The following VWC2 variants were observed in gnomAD, a reference collection of about 807,000 sequenced individuals.
VWC2 encodes the protein von Willebrand factor C domain containing 2.
A neutral mutation model predicts 29.8 loss-of-function variants in VWC2; 14 were observed. The ratio of observed to expected loss-of-function variants is 0.47; its 90% CI spans 0.31 to 0.74. The LOEUF is 0.74. VWC2 is among the 30% of genes least tolerant of loss of function. The probability of loss-of-function intolerance (pLI) is 0.05; values close to 1 mark genes in which losing one functional copy is unlikely to be tolerated. For synonymous variants in VWC2, 213 were observed against 199.0 expected (o/e 1.07, Z -0.59); for missense variants, 457 against 459.8 (o/e 0.99, Z 0.05).
At chr7:49,790,024 C>G (rs1788429727) in intron 2 of VWC2, among the ~76,000 whole-genome samples, 1 of 152,228 alleles carries the variant, frequency 6.6e-6, no homozygotes, top group African/African-American at 2.4e-5. Flanking sequence ...AGATTCCAGA[C>G]TGCCCATCAG....
intron 3 of VWC2, among the ~76,000 whole-genome samples, chr7:49,811,483 G>GT (rs1789004471): frequency 6.6e-6 from 1 of 152,176 alleles, no homozygotes; most frequent in Non-Finnish European, 1.5e-5. Context: ...GGACATGTTT[G>GT]TTTCCTCTTC....
chr7:49,831,634 T>C (rs1219273031), intron 3 of VWC2, among the ~76,000 whole-genome samples: 2 of 152,202 alleles, frequency 1.3e-5, no homozygotes, highest in African/African-American at 4.8e-5. Flanking sequence ...AATTTCCAGG[T>C]ACTGGAGGTG....
At chr7:49,869,474 T>C (rs1051703615) in intron 3 of VWC2, among the ~76,000 whole-genome samples, 1 of 152,242 alleles carries the variant, frequency 6.6e-6, no homozygotes, top group Admixed American at 6.5e-5. Flanking sequence ...GAAAAAATTA[T>C]CTTGTATATT....
intron 3 of VWC2, among the ~76,000 whole-genome samples, chr7:49,826,998 A>T (rs142135844): frequency 0.012 from 1,797 of 152,220 alleles, 54 homozygotes; most frequent in South Asian, 0.12. Flanking sequence ...AAAATAGTTT[A>T]TTCATAATTG....
intron 3 of VWC2, among the ~76,000 whole-genome samples, chr7:49,818,261 A>T (rs1203215579): frequency 6.6e-6 from 1 of 152,174 alleles, no homozygotes; most frequent in African/African-American, 2.4e-5. Context: ...CCCAAATTGG[A>T]CTAGATTATT....
At chr7:49,829,990 T>A (rs1023376705) in intron 3 of VWC2, among the ~76,000 whole-genome samples, 1 of 152,268 alleles carries the variant, frequency 6.6e-6, no homozygotes, top group African/African-American at 2.4e-5. Flanking sequence ...TCTCTATTGC[T>A]GCTTAGGAAG....
intron 3 of VWC2, among the ~76,000 whole-genome samples, chr7:49,857,047 A>C (rs1007054144): frequency 4.1e-5 from 6 of 147,652 alleles, no homozygotes; most frequent in African/African-American, 1.5e-4. Context: ...AAAAAGACGT[A>C]ACATGATATC....
intron 3 of VWC2, among the ~76,000 whole-genome samples, chr7:49,823,817 G>A (rs1242625667): frequency 1.3e-5 from 2 of 152,196 alleles, no homozygotes; most frequent in African/African-American, 2.4e-5. Context: ...AAGAGGTCTA[G>A]TGCACCTTAA....
chr7:49,877,570 T>C (rs1273591686), intron 3 of VWC2, among the ~76,000 whole-genome samples: 1 of 138,234 alleles, frequency 7.2e-6, no homozygotes, highest in Non-Finnish European at 1.6e-5. Flanking sequence ...CTTTTTTTTA[T>C]GATTGTTTCC....
At position 49,787,643 on chromosome 7, in the gene VWC2, G is replaced by A. The variant is rs536571912; in HGVS notation, c.696+11512G>A. Among the ~76,000 whole-genome samples, 33 of 152,290 alleles carry A rather than the reference G, an allele frequency of 2.2e-4. No homozygotes were observed. The South Asian group carries it at 3.5e-3, about 16-fold the overall frequency. ...GCCCCGAGCGCCTCTACCTCCACTC[G>A]CTGTGCTTTTGCTGCGTCACACACA... On this transcript the variant is annotated intron_variant, in intron 2 of 3. Coordinates refer to ENST00000340652, the MANE Select transcript of VWC2 (RefSeq NM_198570.5).
chr7:49,864,445 G>T (rs1177103559), intron 3 of VWC2, among the ~76,000 whole-genome samples: 1 of 152,142 alleles, frequency 6.6e-6, no homozygotes, highest in Non-Finnish European at 1.5e-5. Flanking sequence ...AGTGCATGGT[G>T]TTCTAGATTC....
chr7:49,856,449 T>C (rs1790420394), intron 3 of VWC2, among the ~76,000 whole-genome samples: 1 of 152,238 alleles, frequency 6.6e-6, no homozygotes, highest in African/African-American at 2.4e-5. Flanking sequence ...CCCATGCTTC[T>C]TGTACAGGCT....
At chr7:49,804,250 C>A (rs2128706248) in intron 3 of VWC2, among the ~76,000 whole-genome samples, 1 of 150,984 alleles carries the variant, frequency 6.6e-6, no homozygotes, top group African/African-American at 2.4e-5. Flanking sequence ...GTGTTAATTA[C>A]CACTAATTAA....
At chr7:49,876,070 G>A (rs1413865908) in intron 3 of VWC2, among the ~76,000 whole-genome samples, 2 of 152,122 alleles carry the variant, frequency 1.3e-5, no homozygotes, top group African/African-American at 4.8e-5. Flanking sequence ...ATTGTTCAGA[G>A]TTTGTGGTTT....
chr7:49,828,361 A>G (rs531617127), intron 3 of VWC2, among the ~76,000 whole-genome samples: 4 of 152,198 alleles, frequency 2.6e-5, no homozygotes, highest in South Asian at 4.1e-4. Flanking sequence ...ATACACTTCT[A>G]TGGCTTACAA....
chr7:49,862,586 G>A (rs1412430909), intron 3 of VWC2, among the ~76,000 whole-genome samples: 1 of 151,830 alleles, frequency 6.6e-6, no homozygotes, highest in Admixed American at 6.6e-5. Context: ...TGAGTAAAAT[G>A]TTAGCTGTAG....
chr7:49,777,804 C>T (rs1046406709), intron 2 of VWC2, among the ~76,000 whole-genome samples: 1 of 152,076 alleles, frequency 6.6e-6, no homozygotes, highest in Admixed American at 6.5e-5. Context: ...GGTAAAGGAA[C>T]CTGTGGGTGC....
intron 3 of VWC2, among the ~76,000 whole-genome samples, chr7:49,819,689 G>A (rs1789223483): frequency 6.6e-6 from 1 of 152,220 alleles, no homozygotes; most frequent in Non-Finnish European, 1.5e-5. Context: ...ACAAGGAACA[G>A]TAAATTTTTA....
intron 3 of VWC2, among the ~76,000 whole-genome samples, chr7:49,803,913 T>C (rs1250872992): frequency 6.6e-6 from 1 of 152,098 alleles, no homozygotes. Flanking sequence ...GGTAAATAAT[T>C]GGAAGAGGGA....
Sources: gnomAD v4.1 joint callset for allele counts (sites outside exome capture counted in the v4.1 genomes callset) on GRCh38, gnomAD v4.1.1 for gene constraint, MANE v1.5 for transcripts, NCBI Gene and HGNC (gene_info 2026-07-23, HGNC 2026-07-21) for gene names.